Variants in TTC28 observed in about 807,000 individuals in gnomAD.
TTC28 encodes tetratricopeptide repeat protein 28.
TTC28 carries 61 observed loss-of-function variants against 198.0 expected under a neutral mutation model. That is an observed-to-expected ratio of 0.31 (90% CI 0.25 to 0.38). The LOEUF (loss-of-function observed/expected upper bound fraction) is 0.38. Among genes scored for constraint, TTC28 ranks in the 10% least tolerant of loss-of-function variants. TTC28 has a pLI of 1.00. For synonymous variants in TTC28, 1,171 were observed against 1,297.8 expected (o/e 0.90, Z 2.10); for missense variants, 2,678 against 3,164.0 (o/e 0.85, Z 3.69).
intron 2 of TTC28, among the ~76,000 whole-genome samples, chr22:28,433,347 G>A (rs923956223): frequency 6.6e-6 from 1 of 152,110 alleles, no homozygotes; most frequent in African/African-American, 2.4e-5. Context: ...AGCAGAAGGA[G>A]AGAAGCCCAG....
chr22:28,297,926 G>C, intron 3 of TTC28, 74 bp from the exon 4 acceptor site: 1 of 1,429,432 alleles, frequency 7.0e-7, no homozygotes, highest in Non-Finnish European at 9.4e-7. Context: ...TTTCTAATAC[G>C]CTCTAGAAAT....
chr22:28,585,187 T>C (rs2050296063), intron 2 of TTC28, among the ~76,000 whole-genome samples: 1 of 152,234 alleles, frequency 6.6e-6, no homozygotes, highest in Non-Finnish European at 1.5e-5. Flanking sequence ...GGTTTCGGGA[T>C]GATTCAAGAA....
chr22:28,367,896 A>G (rs893166875), intron 2 of TTC28, among the ~76,000 whole-genome samples: 1 of 152,058 alleles, frequency 6.6e-6, no homozygotes, highest in African/African-American at 2.4e-5. Flanking sequence ...GACCAATAAC[A>G]AGTAATGAGA....
At chr22:28,676,425 C>T (rs2051990914) in intron 1 of TTC28, among the ~76,000 whole-genome samples, 1 of 152,106 alleles carries the variant, frequency 6.6e-6, no homozygotes. Flanking sequence ...CTGAAAGTAT[C>T]TAGATACCTG....
At chr22:28,186,337 C>A (rs1037974238) in intron 5 of TTC28, among the ~76,000 whole-genome samples, 1 of 152,070 alleles carries the variant, frequency 6.6e-6, no homozygotes. Context: ...TGCAAAGATA[C>A]GGAATGAAAA....
chr22:28,243,952 C>G (rs76447725), intron 5 of TTC28, among the ~76,000 whole-genome samples: 1 of 152,024 alleles, frequency 6.6e-6, no homozygotes, highest in East Asian at 1.9e-4. Flanking sequence ...GAAGAGAAAT[C>G]GTTGTCCTTA....
chr22:28,375,229 T>G (rs2046392168), intron 2 of TTC28, among the ~76,000 whole-genome samples: 1 of 152,200 alleles, frequency 6.6e-6, no homozygotes, highest in Non-Finnish European at 1.5e-5. Flanking sequence ...ATAAGTAAAG[T>G]TAATAATTAC....
intron 2 of TTC28, among the ~76,000 whole-genome samples, chr22:28,534,576 G>T (rs1416935733): frequency 2.6e-5 from 4 of 152,108 alleles, no homozygotes; most frequent in African/African-American, 9.7e-5. Flanking sequence ...TATACCCAAA[G>T]GATTATAAAT....
chr22:28,673,156 C>T (rs186437136), intron 1 of TTC28, among the ~76,000 whole-genome samples: 18 of 152,078 alleles, frequency 1.2e-4, no homozygotes, highest in Non-Finnish European at 2.2e-4. Flanking sequence ...GGGCGGATCA[C>T]GAGGTCAGGA....
intron 6 of TTC28, among the ~76,000 whole-genome samples, chr22:28,156,793 T>C (rs1943758165): frequency 1.3e-5 from 2 of 152,154 alleles, no homozygotes; most frequent in South Asian, 4.1e-4. Flanking sequence ...GTACAAAACC[T>C]ACGGGATGCA....
At chr22:28,616,228 A>G (rs2050903050) in intron 2 of TTC28, among the ~76,000 whole-genome samples, 1 of 152,194 alleles carries the variant, frequency 6.6e-6, no homozygotes, top group Admixed American at 6.5e-5. Flanking sequence ...TCCAGTTACT[A>G]ACTAGATGTC....
intron 2 of TTC28, among the ~76,000 whole-genome samples, chr22:28,522,710 C>T (rs2048932560): frequency 6.6e-6 from 1 of 151,828 alleles, no homozygotes; most frequent in Admixed American, 6.6e-5. Flanking sequence ...GTATGAAGTA[C>T]CAATACACAC....
intron 16 of TTC28, 90 bp downstream of exon 16, chr22:27,998,450 T>TC (rs1937589698): frequency 1.1e-5 from 16 of 1,408,166 alleles, no homozygotes; most frequent in Non-Finnish European, 1.3e-5. Flanking sequence ...TGCCCTCCCC[T>TC]CCCCAACCCC....
intron 17 of TTC28, among the ~76,000 whole-genome samples, 175 bp downstream of exon 17, chr22:27,995,960 C>T (rs1937544192): frequency 6.6e-6 from 1 of 152,212 alleles, no homozygotes; most frequent in Admixed American, 6.5e-5. Flanking sequence ...CATGGGTCTC[C>T]CAGCAGGCTT....
chr22:28,442,847 T>C (rs16986433), intron 2 of TTC28: 5,493 of 152,490 alleles, frequency 0.036, 155 homozygotes, highest in African/African-American at 0.07. Context: ...TTCCCCGGGT[T>C]GGGCTTTGGG....
intron 2 of TTC28, among the ~76,000 whole-genome samples, chr22:28,362,035 A>C (rs1464861298): frequency 2.6e-5 from 4 of 152,204 alleles, no homozygotes; most frequent in Non-Finnish European, 5.9e-5. Flanking sequence ...GGAGATGTAC[A>C]AGGAGACTGA....
chr22:28,510,725 T>C (rs1038305311), intron 2 of TTC28, among the ~76,000 whole-genome samples: 1 of 152,142 alleles, frequency 6.6e-6, no homozygotes, highest in Non-Finnish European at 1.5e-5. Context: ...TATCTTCGTT[T>C]GCAGATGACA....
At chr22:28,549,895 A>G (rs2049627772) in intron 2 of TTC28, among the ~76,000 whole-genome samples, 1 of 152,210 alleles carries the variant, frequency 6.6e-6, no homozygotes, top group African/African-American at 2.4e-5. Flanking sequence ...GTAAATTATT[A>G]TATCATACCT....
intron 2 of TTC28, among the ~76,000 whole-genome samples, chr22:28,624,082 C>G (rs1478296935): frequency 2.0e-5 from 3 of 152,026 alleles, no homozygotes; most frequent in Admixed American, 2.0e-4. Context: ...TATAGAAAAT[C>G]AATGAGACTA....
Sources: gnomAD v4.1 joint callset for allele counts (sites outside exome capture counted in the v4.1 genomes callset) on GRCh38, gnomAD v4.1.1 for gene constraint, MANE v1.5 for transcripts, NCBI Gene and HGNC (gene_info 2026-07-23, HGNC 2026-07-21) for gene names.